TMEM108: variants seen among roughly 807,000 people sequenced by gnomAD.
TMEM108 encodes cancer/testis antigen 124.
A neutral mutation model predicts 35.1 loss-of-function variants in TMEM108; 12 were observed. The observed-to-expected ratio is 0.34, with a 90% CI of 0.22 to 0.55. The LOEUF (loss-of-function observed/expected upper bound fraction) is 0.55. TMEM108 is among the 20% of genes least tolerant of loss of function. TMEM108 has a pLI of 0.89. For missense variants in TMEM108, 680 were observed against 753.3 expected, an observed-to-expected ratio of 0.90 and a Z score of 1.14; for synonymous variants, 287 against 308.6, an observed-to-expected ratio of 0.93 and a Z score of 0.73.
At chr3:133,139,165 A>T (rs2107753676) in intron 2 of TMEM108, among the ~76,000 whole-genome samples, 1 of 152,256 alleles carries the variant, frequency 6.6e-6, no homozygotes, top group Non-Finnish European at 1.5e-5. Flanking sequence ...TCTATCATTG[A>T]TGGACATTTG....
Position 133,324,742 on chromosome 3 carries a change from C to T in TMEM108, c.41-55010C>T, listed in dbSNP as rs138201274. On this transcript the variant is annotated intron_variant, in intron 3 of 5. Transcript: ENST00000321871. ...CCTGTAATCCCAGCACTTTGGGAGG[C>T]CAAGGTGGATGGATCATGAGGTCAG... Among the ~76,000 whole-genome samples the T allele has an allele frequency of 2.8e-3, 429 of 152,198 alleles. 5 individuals are homozygous for T. Among genetic ancestry groups the T allele is most frequent in the African/African-American group, 9.9e-3 (409 of 41,496 alleles).
At chr3:133,237,029 G>T (rs149278080) in intron 3 of TMEM108, among the ~76,000 whole-genome samples, 3 of 152,172 alleles carry the variant, frequency 2.0e-5, no homozygotes, top group Non-Finnish European at 4.4e-5. Context: ...AAGTGATTTG[G>T]TATTGTTTTA....
rs1442286860 is a variant in TMEM108 at position 133,396,837 on chromosome 3, T to C, written c.*851T>C. On this transcript the variant is annotated 3_prime_UTR_variant, in exon 6 of 6. Coordinates refer to ENST00000321871, the MANE Select transcript of TMEM108 (RefSeq NM_023943.4). ...TCCTTCTTCAAGGATCAAATGTTTA[T>C]TGGGGTTCAGCTTTGTTTTCTCAAA... 2 of 152,216 alleles carry C rather than the reference T, an allele frequency of 1.3e-5. No individual in the cohort carries two copies. The highest frequency in any genetic ancestry group is 3.8e-4 in the East Asian group (2 of 5,202). The allele number at this position is 152,216 out of a possible 1,614,324, so 9.4% of individuals were successfully genotyped here.
intron 2 of TMEM108, among the ~76,000 whole-genome samples, chr3:133,193,823 T>G (rs973340736): frequency 7.2e-5 from 11 of 152,134 alleles, no homozygotes; most frequent in African/African-American, 2.4e-4. Flanking sequence ...AAAAATTGAG[T>G]TTACTATTAA....
chr3:133,217,798 A>G (rs890888003), intron 2 of TMEM108, among the ~76,000 whole-genome samples: 2 of 151,878 alleles, frequency 1.3e-5, no homozygotes, highest in African/African-American at 4.8e-5. Context: ...TTTTATGTCA[A>G]TACCAAACAG....
intron 2 of TMEM108, among the ~76,000 whole-genome samples, chr3:133,166,798 T>C (rs918053346): frequency 2.0e-5 from 3 of 152,124 alleles, no homozygotes; most frequent in African/African-American, 7.2e-5. Context: ...AGAACAAAGC[T>C]CCCACAGTGT....
At chr3:133,122,485 T>C (rs1944364218) in intron 2 of TMEM108, among the ~76,000 whole-genome samples, 1 of 152,196 alleles carries the variant, frequency 6.6e-6, no homozygotes, top group Non-Finnish European at 1.5e-5. Flanking sequence ...TATCTTTATA[T>C]TTTTTTGAAA....
chr3:133,140,697 A>G (rs1204254300), intron 2 of TMEM108, among the ~76,000 whole-genome samples: 1 of 152,140 alleles, frequency 6.6e-6, no homozygotes, highest in Admixed American at 6.6e-5. Flanking sequence ...ATTCCCTTCT[A>G]TTTTCTGTAC....
At chr3:133,167,671 G>A (rs1003030508) in intron 2 of TMEM108, among the ~76,000 whole-genome samples, 4 of 152,210 alleles carry the variant, frequency 2.6e-5, no homozygotes, top group East Asian at 3.9e-4. Context: ...CAGTGCCACC[G>A]GCCGACCGCT....
chr3:133,117,066 G>A (rs927989237), intron 2 of TMEM108, among the ~76,000 whole-genome samples: 6 of 152,188 alleles, frequency 3.9e-5, no homozygotes, highest in South Asian at 2.1e-4. Context: ...TGCCGCACCC[G>A]GCCTGATTTA....
At chr3:133,195,592 C>T (rs1013171131) in intron 2 of TMEM108, among the ~76,000 whole-genome samples, 3 of 152,128 alleles carry the variant, frequency 2.0e-5, no homozygotes, top group African/African-American at 7.2e-5. Context: ...AATTACCACT[C>T]CTAGATGGGT....
intron 2 of TMEM108, among the ~76,000 whole-genome samples, chr3:133,109,291 A>G (rs1171246134): frequency 6.6e-6 from 1 of 152,112 alleles, no homozygotes; most frequent in Non-Finnish European, 1.5e-5. Flanking sequence ...TCTAATTACA[A>G]TACTCTATAA....
At chr3:133,251,241 A>G (rs1249827747) in intron 3 of TMEM108, among the ~76,000 whole-genome samples, 1 of 152,196 alleles carries the variant, frequency 6.6e-6, no homozygotes, top group African/African-American at 2.4e-5. Context: ...CATATCCCTT[A>G]AAAGTCAATT....
intron 2 of TMEM108, among the ~76,000 whole-genome samples, chr3:133,131,486 GATCA>G (rs1451210865): frequency 6.8e-6 from 1 of 147,504 alleles, no homozygotes. Flanking sequence ...CTCGTATGGT[GATCA>G]GTGATCTTTG....
chr3:133,099,024 C>T (rs1012252016), intron 2 of TMEM108, among the ~76,000 whole-genome samples: 2 of 152,222 alleles, frequency 1.3e-5, no homozygotes, highest in Admixed American at 6.5e-5. Flanking sequence ...CATTTCCCTT[C>T]AGCACTGCCG....
chr3:133,073,290 A>C (rs1943697457), intron 2 of TMEM108, among the ~76,000 whole-genome samples: 1 of 151,518 alleles, frequency 6.6e-6, no homozygotes, highest in South Asian at 2.1e-4. Flanking sequence ...CGTTTTCCCA[A>C]GTCCCTAGTG....
At chr3:133,206,495 C>T (rs1427630952) in intron 2 of TMEM108, among the ~76,000 whole-genome samples, 1 of 152,144 alleles carries the variant, frequency 6.6e-6, no homozygotes, top group Non-Finnish European at 1.5e-5. Context: ...TGTTGACATC[C>T]TTTTTGTTGA....
intron 3 of TMEM108, among the ~76,000 whole-genome samples, chr3:133,243,330 G>C (rs1288902142): frequency 6.6e-6 from 1 of 152,110 alleles, no homozygotes; most frequent in Non-Finnish European, 1.5e-5. Flanking sequence ...AGGAGGCTTA[G>C]ACAAATATAG....
In TMEM108 at chr3:133,055,545, G is replaced by C. The variant is rs931125576; in HGVS notation, c.-47+9525G>C. On this transcript the variant is annotated intron_variant, in intron 2 of 5. Coordinates refer to ENST00000321871, the MANE Select transcript of TMEM108 (RefSeq NM_023943.4). ...GTTCCTGCAGGATAAATGTGCACGG[G>C]GGGTGGTGGAGGCAGGACTTTGGAT... is the stretch of plus-strand genomic sequence containing the variant. Among the ~76,000 whole-genome samples, 6 of 152,282 alleles carry C rather than the reference G, an allele frequency of 3.9e-5. No homozygotes were observed. In the East Asian group the frequency reaches 7.7e-4, roughly 20 times the overall value.
Sources: gnomAD v4.1 joint callset for allele counts (sites outside exome capture counted in the v4.1 genomes callset) on GRCh38, gnomAD v4.1.1 for gene constraint, MANE v1.5 for transcripts, NCBI Gene and HGNC (gene_info 2026-07-23, HGNC 2026-07-21) for gene names.